Variants in ESPL1 observed in about 807,000 individuals in gnomAD.
The protein encoded by ESPL1 is separin.
Under a neutral mutation model 217.2 loss-of-function variants are expected in ESPL1, and 50 were observed. That is an observed-to-expected ratio of 0.23 (90% confidence interval 0.18 to 0.29). The LOEUF (loss-of-function observed/expected upper bound fraction) is 0.29, where lower values mean the gene tolerates loss of function less well. Among genes scored for constraint, ESPL1 ranks in the 10% least tolerant of loss-of-function variants. The pLI, the probability that ESPL1 is intolerant of heterozygous loss-of-function variation, is 1.00. For synonymous variants in ESPL1, 994 were observed against 1,081.3 expected, an observed-to-expected ratio of 0.92 and a Z score of 1.58; for missense variants, 1,834 against 2,603.0, an observed-to-expected ratio of 0.70 and a Z score of 6.43.
At position 53,276,719 on chromosome 12, in the gene ESPL1, A is replaced by G. The variant is rs1481533353; in HGVS notation, c.1800A>G (p.Gly600=). The G allele has an allele frequency of 1.2e-6, 2 of 1,613,332 alleles. No homozygotes were observed. The highest frequency in any genetic ancestry group is 4.5e-5 in the East Asian group (2 of 44,904). The change falls in exon 8 of 31, where the codon GGA becomes GGG. Residue 600 remains glycine (G), a synonymous_variant. Transcript: ENST00000257934. ...ACAAGGCGGTGCGGGCCGACACTGG[A>G]CAGGAACGCTTCAACATCATCTGTG... The part of the protein sequence containing the change: ...QAYKAVRADT[G]QERFNIICDL...
In ESPL1 at chr12:53,292,439, C is replaced by G; in HGVS notation, c.5912+46C>G. On this transcript the variant is annotated intron_variant, in intron 28 of 30. Transcript: ENST00000257934. This position sits in a 1 kb window ranked among gnomAD's most constrained non-coding sequence, Gnocchi z 4.5. ...AAGACGTGTGGGGAAGGGTAGACAA[C>G]ATACAGGGGCAACAAGCCTTTTCTC... The G allele has an allele frequency of 6.9e-7, 1 of 1,448,264 alleles. No homozygotes were observed. The highest frequency in any genetic ancestry group is 9.7e-7 in the Non-Finnish European group (1 of 1,028,600). 89.7% of individuals were successfully genotyped at this position (1,448,264 alleles called of 1,614,324 possible).
At chr12:53,283,619 C>A in intron 16 of ESPL1, 81 bp downstream of exon 16, 1 of 1,326,726 alleles carries the variant, frequency 7.5e-7, no homozygotes, top group Non-Finnish European at 1.1e-6. Flanking sequence ...AACTGTTCCA[C>A]AGATTACATG....
Position 53,269,873 on chromosome 12 carries a change from G to T in ESPL1, c.931G>T (p.Val311Leu). 6.2e-7 allele frequency: 1 copy of T among 1,614,260 alleles called. No homozygotes were observed. Among genetic ancestry groups the T allele is most frequent in the Non-Finnish European group, 8.5e-7 (1 of 1,180,056 alleles). ...GGTTGGGGAGGAAGGACCTCAGGCAGTGGCCAAGCTTCTGATCAAGGCATC... is the reference window on the plus strand; with the variant it reads ...GGTTGGGGAGGAAGGACCTCAGGCATTGGCCAAGCTTCTGATCAAGGCATC... ...LQVGEEGPQA[V>L]AKLLIKASAV... Residue 311 changes from valine to leucine, a missense_variant, in exon 3 of 31, where the codon GTG becomes TTG. Physicochemically the swap from Val to Leu is conservative, Grantham distance 32. Transcript: ENST00000257934. The surrounding 1 kb of genome is among the most constrained non-coding windows in gnomAD (Gnocchi z 6.7).
Position 53,269,666 on chromosome 12 carries a change from C to T in ESPL1, c.724C>T (p.Leu242Phe). The stretch of plus-strand genomic sequence containing the variant: ...GGGTGAGAGAGGGAGCTCTTCTGGG[C>T]TTCTTTCTCCCCAGAGGGCCCTCTG... The part of the protein sequence containing the change: ...LVGERGSSSG[L>F]LSPQRALCLL... The change falls in exon 3 of 31, where the codon CTT becomes TTT. Residue 242 changes from leucine (L) to phenylalanine (F), a missense_variant. This residue lies in a region of ESPL1 where 746 missense variants were observed against 1,077.0 expected (regional missense o/e 0.69). Transcript: ENST00000257934. This position sits in a 1 kb window ranked among gnomAD's most constrained non-coding sequence, Gnocchi z 6.7. 2 of 1,614,198 alleles carry T rather than the reference C, an allele frequency of 1.2e-6. No individual in the cohort carries two copies. The highest frequency in any genetic ancestry group is 1.7e-6 in the Non-Finnish European group (2 of 1,180,036).
At position 53,276,791 on chromosome 12, in the gene ESPL1, A is replaced by T. The variant is rs781254044; in HGVS notation, c.1872A>T (p.Ala624=). The change falls in exon 8 of 31, where the codon GCA becomes GCT. Residue 624 remains alanine (A), a synonymous_variant. Coordinates refer to ENST00000257934, the MANE Select transcript of ESPL1 (RefSeq NM_012291.5). Reference sequence around the variant, plus strand: ...AGGAGACACCAGCCGGGGCCTGGGCACGAGCCACCCACCTGGTAGAACTGG... The same window carrying T: ...AGGAGACACCAGCCGGGGCCTGGGCTCGAGCCACCCACCTGGTAGAACTGG... ...SPEETPAGAW[A]RATHLVELAQ... is the part of the protein sequence containing the mutation. 5 of 1,613,936 alleles carry T rather than the reference A, an allele frequency of 3.1e-6. No individual in the cohort carries two copies. Among genetic ancestry groups the T allele is most frequent in the Non-Finnish European group, 3.4e-6 (4 of 1,180,032 alleles).
At position 53,277,180 on chromosome 12, in the gene ESPL1, G is replaced by A; in HGVS notation, c.2038G>A (p.Ala680Thr). The change falls in exon 9 of 31, where the codon GCC becomes ACC. Residue 680 changes from alanine (A) to threonine (T), a missense_variant. Coordinates refer to ENST00000257934, the MANE Select transcript of ESPL1 (RefSeq NM_012291.5). ...TCAGCTTCTGGACGATAAAGCACAG[G>A]CCTTGCTGTGGCTTTACATCTGTAC... ...RDQLLDDKAQ[A>T]LLWLYICTLE... is the part of the protein sequence containing the mutation. The A allele has an allele frequency of 6.2e-7, 1 of 1,614,068 alleles. No homozygotes were observed. The highest frequency in any genetic ancestry group is 8.5e-7 in the Non-Finnish European group (1 of 1,179,870).
In ESPL1 at chr12:53,292,456, C is replaced by A; in HGVS notation, c.5912+63C>A. The A allele has an allele frequency of 1.4e-6, 2 of 1,419,970 alleles. No individual in the cohort carries two copies. Among genetic ancestry groups the A allele is most frequent in the Non-Finnish European group, 2.0e-6 (2 of 1,003,052 alleles). 88.0% of individuals were successfully genotyped at this position (1,419,970 alleles called of 1,614,324 possible). ...GTAGACAACATACAGGGGCAACAAG[C>A]CTTTTCTCCAGAAACAGCTGTTGCA... On this transcript the variant is annotated intron_variant, in intron 28 of 30. Transcript: ENST00000257934. The surrounding 1 kb of genome is among the most constrained non-coding windows in gnomAD (Gnocchi z 4.5).
intron 9 of ESPL1, 77 bp downstream of exon 9, chr12:53,277,304 C>T (rs574236021): frequency 2.6e-6 from 4 of 1,530,336 alleles, no homozygotes; most frequent in Admixed American, 2.0e-5. Context: ...AAGTTGGTAT[C>T]AGCCCTTTTT....
intron 18 of ESPL1, 122 bp from the exon 19 acceptor site, chr12:53,287,850 C>A (rs1445356949): frequency 2.0e-6 from 2 of 985,546 alleles, no homozygotes; most frequent in Non-Finnish European, 3.0e-6. Context: ...GAAGTTAGTT[C>A]TGAAATCTTC....
intron 22 of ESPL1, 64 bp downstream of exon 22, chr12:53,289,658 G>A (rs1226626361): frequency 7.0e-6 from 10 of 1,421,688 alleles, no homozygotes; most frequent in Admixed American, 4.0e-5. Flanking sequence ...TTGGGAGCTG[G>A]GTGAAGGAGT....
chr12:53,270,812 G>A lies in ESPL1; in HGVS notation c.1369+14G>A. 6.2e-7 allele frequency: 1 copy of A among 1,613,892 alleles called. No homozygotes were observed. The highest frequency in any genetic ancestry group is 1.7e-4 in the Middle Eastern group (1 of 6,058). On this transcript the variant is annotated intron_variant, in intron 5 of 30. Coordinates refer to ENST00000257934, the MANE Select transcript of ESPL1 (RefSeq NM_012291.5). The stretch of plus-strand genomic sequence containing the variant: ...TGGGGATGACCGGTTAGTGCCCTGG[G>A]TCCCAGGCACAGAGTTTGTGGGAGG...
At position 53,274,832 on chromosome 12, in the gene ESPL1, C is replaced by T; in HGVS notation, c.1522C>T (p.Arg508Trp). The T allele has an allele frequency of 1.2e-6, 2 of 1,613,884 alleles. No individual in the cohort carries two copies. The highest frequency in any genetic ancestry group is 1.7e-6 in the Non-Finnish European group (2 of 1,179,890). ...VPPEKLHRCF[R>W]LQVESLKKLG... ...CTCTGGTCAGTTGCACAGGTGCTTCCGGCTACAAGTAGAGAGTTTGAAGAA... is the reference window on the plus strand; with the variant it reads ...CTCTGGTCAGTTGCACAGGTGCTTCTGGCTACAAGTAGAGAGTTTGAAGAA... Residue 508 changes from arginine (R) to tryptophan (W), a missense_variant, in exon 7 of 31, where the codon CGG becomes TGG. Physicochemically the swap from Arg to Trp is moderately radical, Grantham distance 101. This residue lies in a region of ESPL1 where 746 missense variants were observed against 1,077.0 expected (regional missense o/e 0.69). Transcript: ENST00000257934.
Position 53,289,239 on chromosome 12 carries a change from G to A in ESPL1, c.4858G>A (p.Val1620Ile). The A allele has an allele frequency of 6.2e-7, 1 of 1,612,900 alleles. No homozygotes were observed. Residue 1620 changes from valine (V) to isoleucine (I), a missense_variant, in exon 21 of 31, where the codon GTC becomes ATC. Val to Ile is a conservative substitution (Grantham distance 29, BLOSUM62 3). Coordinates refer to ENST00000257934, the MANE Select transcript of ESPL1 (RefSeq NM_012291.5). Reference sequence around the variant, plus strand: ...GGATCCTTATGCCACTGCTTTCCTTGTCACCGAGTCTGTCTCCATCACCTG... The same window carrying A: ...GGATCCTTATGCCACTGCTTTCCTTATCACCGAGTCTGTCTCCATCACCTG... ...HRDPYATAFL[V>I]TESVSITCRH...
Position 53,285,100 on chromosome 12 carries a change from A to T in ESPL1, c.3188-824A>T, listed in dbSNP as rs114803784. On this transcript the variant is annotated intron_variant, in intron 17 of 30. Transcript: ENST00000257934. ...ACACTAGCCACACTTCATGTGCTCA[A>T]TAGCCACATGGCTAGTGGCTACCGT... Among the ~76,000 whole-genome samples the T allele has an allele frequency of 9.7e-3, 1,472 of 152,260 alleles. 21 individuals carry two copies. Among genetic ancestry groups the T allele is most frequent in the African/African-American group, 0.034 (1,402 of 41,540 alleles).
chr12:53,270,936 A>AGAG (rs1943659091), intron 5 of ESPL1, 138 bp downstream of exon 5: 9 of 859,740 alleles, frequency 1.0e-5, no homozygotes, highest in Non-Finnish European at 1.6e-5. Flanking sequence ...AAATGTTTAT[A>AGAG]AGTACCAGCT....
In ESPL1 at chr12:53,286,882, G is replaced by C; in HGVS notation, c.4146G>C (p.Arg1382Ser). ...ESKPEVPQAP[R>S]VQQRVQTRLK... ...AGCCTGAAGTACCCCAGGCCCCCAG[G>C]GTACAACAGAGAGTCCAGACGCGCC... Residue 1382 changes from arginine (R) to serine (S), a missense_variant, in exon 18 of 31, where the codon AGG becomes AGC. Arg to Ser is a moderately radical substitution (Grantham distance 110). Transcript: ENST00000257934. The surrounding 1 kb of genome is among the most constrained non-coding windows in gnomAD (Gnocchi z 5.3). 2 of 1,608,764 alleles carry C rather than the reference G, an allele frequency of 1.2e-6. No individual in the cohort carries two copies. Among genetic ancestry groups the C allele is most frequent in the South Asian group, 1.1e-5 (1 of 90,376 alleles).
chr12:53,270,326 G>A (rs1388427665), intron 3 of ESPL1, 52 bp from the exon 4 acceptor site: 5 of 1,318,330 alleles, frequency 3.8e-6, no homozygotes. Flanking sequence ...TCTTCAGCTT[G>A]GAGCCCTCTT....
At chr12:53,276,226 T>C (rs1943763495) in intron 7 of ESPL1, among the ~76,000 whole-genome samples, 1 of 151,780 alleles carries the variant, frequency 6.6e-6, no homozygotes, top group African/African-American at 2.4e-5. Context: ...AACAAAAAAC[T>C]CAGGGAAGAG....
At position 53,268,758 on chromosome 12, in the gene ESPL1, T is replaced by C. The variant is rs1943612600; in HGVS notation, c.-9T>C. On this transcript the variant is annotated 5_prime_UTR_variant, in exon 2 of 31. Coordinates refer to ENST00000257934, the MANE Select transcript of ESPL1 (RefSeq NM_012291.5). ...TAATTGGTCTCCTTTTCCCTAGCTC[T>C]CCGGTGTCATGAGGAGCTTCAAAAG... is the stretch of plus-strand genomic sequence containing the variant. 1 of 1,600,540 alleles carries C rather than the reference T, an allele frequency of 6.2e-7. No individual in the cohort carries two copies. Among genetic ancestry groups the C allele is most frequent in the African/African-American group, 1.3e-5 (1 of 74,628 alleles).
Sources: allele counts gnomAD v4.1 joint callset (sites outside exome capture counted in the v4.1 genomes callset), GRCh38; gene constraint gnomAD v4.1.1; regional missense constraint gnomAD v4.1.1; non-coding constraint Gnocchi (gnomAD v3.1); transcripts MANE v1.5; gene names NCBI Gene and HGNC (gene_info 2026-07-23, HGNC 2026-07-21).